The following SIGLEC14 variants were observed in gnomAD, a reference collection of about 807,000 sequenced individuals.
SIGLEC14 encodes the protein sialic acid-binding Ig-like lectin 14.
In SIGLEC14, 11 loss-of-function variants were observed where a neutral mutation model predicts 34.2. That is an observed-to-expected ratio of 0.32 (90% CI 0.20 to 0.53). SIGLEC14 has a LOEUF of 0.53. Ranked by LOEUF, SIGLEC14 falls within the 20% of genes least tolerant of loss-of-function variation. SIGLEC14 has a pLI of 0.95. For missense variants in SIGLEC14, 264 were observed against 439.0 expected, an observed-to-expected ratio of 0.60 and a Z score of 3.56; for synonymous variants, 99 against 179.7, an observed-to-expected ratio of 0.55 and a Z score of 3.59.
In SIGLEC14 at chr19:51,641,885, T is replaced by C. The variant is rs1277440507; in HGVS notation, c.*1470A>G. 2.2e-5 allele frequency among the ~76,000 whole-genome samples: 3 copies of C among 138,090 alleles called. No individual in the cohort carries two copies. The highest frequency in any genetic ancestry group is 8.3e-5 in the African/African-American group (3 of 36,128). The allele number at this position is 138,090 out of a possible 152,430, so 90.6% of individuals were successfully genotyped here. Reference sequence around the variant, plus strand: ...TGATGCAATAATCTGTACAACAAACTCCCATGACACTTTACCTATGTAACA... The same window carrying C: ...TGATGCAATAATCTGTACAACAAACCCCCATGACACTTTACCTATGTAACA... On this transcript the variant is annotated 3_prime_UTR_variant, in exon 7 of 7. Coordinates refer to ENST00000360844, the MANE Select transcript of SIGLEC14 (RefSeq NM_001098612.3).
Position 51,641,987 on chromosome 19 carries a change from TAAAA to T in SIGLEC14, c.*1364_*1367del, listed in dbSNP as rs398101261. Among the ~76,000 whole-genome samples the T allele has an allele frequency of 2.5e-3, 350 of 138,310 alleles. 62 individuals are homozygous for T. Among genetic ancestry groups the T allele is most frequent in the African/African-American group, 8.7e-3 (317 of 36,254 alleles). The allele number at this position is 138,310 out of a possible 152,430, so 90.7% of individuals were successfully genotyped here. The stretch of plus-strand genomic sequence containing the variant: ...CATGTGTATTTATTAAAATGGAACT[TAAAA>T]AGAAAGTAGTAACAATTTGTTTAAA... On this transcript the variant is annotated 3_prime_UTR_variant, in exon 7 of 7. Transcript: ENST00000360844.
rs1238804595 is a variant in SIGLEC14, at chr19:51,639,788, T to C, written c.*3567A>G. 1 of 139,118 alleles carries C rather than the reference T, an allele frequency of 7.2e-6. No homozygotes were observed. Among genetic ancestry groups the C allele is most frequent in the Non-Finnish European group, 1.5e-5 (1 of 65,052 alleles). The allele number at this position is 139,118 out of a possible 1,614,324, so 8.6% of individuals were successfully genotyped here. ...ATTTTGGGAAGACACACATTTCTATTATAGCATAAATAAAGTATATCAAGA... is the reference window on the plus strand; with the variant it reads ...ATTTTGGGAAGACACACATTTCTATCATAGCATAAATAAAGTATATCAAGA... On this transcript the variant is annotated 3_prime_UTR_variant, in exon 7 of 7. Coordinates refer to ENST00000360844, the MANE Select transcript of SIGLEC14 (RefSeq NM_001098612.3).
chr19:51,641,753 G>A lies in SIGLEC14; in HGVS notation c.*1602C>T, dbSNP rs1216794987. On this transcript the variant is annotated 3_prime_UTR_variant, in exon 7 of 7. Coordinates refer to ENST00000360844, the MANE Select transcript of SIGLEC14 (RefSeq NM_001098612.3). ...GGGAGCTAAATGATGAGAACACATG[G>A]ATACATAGAGGTGAGCAACACACAC... Among the ~76,000 whole-genome samples, 1 of 139,118 alleles carries A rather than the reference G, an allele frequency of 7.2e-6. No individual in the cohort carries two copies. The highest frequency in any genetic ancestry group is 2.7e-5 in the African/African-American group (1 of 36,644). The allele number at this position is 139,118 out of a possible 152,430, so 91.3% of individuals were successfully genotyped here. A position where few individuals can be genotyped will look rare whatever the true frequency, so the allele number is the denominator to read the frequency against.
In SIGLEC14 at chr19:51,643,304, T is replaced by C. The variant is rs779579864; in HGVS notation, c.*51A>G. The C allele has an allele frequency of 1.9e-5, 27 of 1,458,606 alleles. 3 individuals are homozygous for C. Among genetic ancestry groups the C allele is most frequent in the Non-Finnish European group, 2.5e-5 (27 of 1,080,442 alleles). 90.4% of individuals were successfully genotyped at this position (1,458,606 alleles called of 1,614,324 possible). On this transcript the variant is annotated 3_prime_UTR_variant, in exon 7 of 7. Transcript: ENST00000360844. ...AGCTGACAGTGATGTCCTGCATGTG[T>C]CCCACAGGGCTAAGTGTCCACACCT... is the stretch of plus-strand genomic sequence containing the variant.
At chr19:51,643,482 A>G in intron 6 of SIGLEC14, 55 bp downstream of exon 6, 1 of 1,264,606 alleles carries the variant, frequency 7.9e-7, no homozygotes. Flanking sequence ...GGGGCAGGAC[A>G]GCTCAGCCCC....
rs902573044 is a variant in SIGLEC14, at chr19:51,643,917, C to T, written c.874G>A (p.Ala292Thr). Residue 292 changes from alanine (A) to threonine (T), a missense_variant, in exon 5 of 7, where the codon GCC becomes ACC. Ala to Thr is a moderately conservative substitution (Grantham distance 58). This residue lies in a region of SIGLEC14 where 149 missense variants were observed against 184.4 expected (regional missense o/e 0.81). Coordinates refer to ENST00000360844, the MANE Select transcript of SIGLEC14 (RefSeq NM_001098612.3). ...ATTGAGGTCTGGGAAGGATTGAGGG[C>T]TTTTCCCTCCCGGAACCAGCTCAGT... ...ASLSWFREGK[A>T]LNPSQTSMSG... The T allele has an allele frequency of 1.7e-5, 26 of 1,534,178 alleles. 7 individuals carry two copies. Among genetic ancestry groups the T allele is most frequent in the South Asian group, 6.0e-5 (5 of 83,286 alleles).
At chr19:51,643,502 T>G in intron 6 of SIGLEC14, 35 bp downstream of exon 6, 1 of 1,386,060 alleles carries the variant, frequency 7.2e-7, no homozygotes, top group Non-Finnish European at 9.5e-7. Flanking sequence ...CACCTGGAAC[T>G]CAGGAGCTTC....
At position 51,643,973 on chromosome 19, in the gene SIGLEC14, G is replaced by C. The variant is rs1249066801; in HGVS notation, c.818C>G (p.Ala273Gly). 3 of 1,532,726 alleles carry C rather than the reference G, an allele frequency of 2.0e-6. No individual in the cohort carries two copies. The highest frequency in any genetic ancestry group is 2.6e-6 in the Non-Finnish European group (3 of 1,141,090). 94.9% of individuals were successfully genotyped at this position (1,532,726 alleles called of 1,614,324 possible). A position where few individuals can be genotyped will look rare whatever the true frequency, so the allele number is the denominator to read the frequency against. ...PIQEGQSLFL[A>G]CTVDSNPPAS... ...AGGGGGGTTGCTGTCAACTGTGCAG[G>C]CGAGGAACAGGGACTGGCCCTCCTG... Residue 273 changes from alanine to glycine, a missense_variant, in exon 5 of 7, where the codon GCC becomes GGC. Coordinates refer to ENST00000360844, the MANE Select transcript of SIGLEC14 (RefSeq NM_001098612.3).
rs1339704508 is a variant in SIGLEC14 at position 51,643,134 on chromosome 19, GA to G, written c.*220del. 2 of 484,274 alleles carry G rather than the reference GA, an allele frequency of 4.1e-6. No individual in the cohort carries two copies. Among genetic ancestry groups the G allele is most frequent in the Non-Finnish European group, 7.2e-6 (2 of 278,822 alleles). The allele number at this position is 484,274 out of a possible 1,614,324, so 30.0% of individuals were successfully genotyped here. On this transcript the variant is annotated 3_prime_UTR_variant, in exon 7 of 7. Coordinates refer to ENST00000360844, the MANE Select transcript of SIGLEC14 (RefSeq NM_001098612.3). ...GGAGATGGTGGATGGAGAGGGAAGA[GA>G]AGGGCAGGTGGAGAGGGGATGGGGT...
At chr19:51,643,496 TG>T in intron 6 of SIGLEC14, 40 bp downstream of exon 6, 1 of 1,324,008 alleles carries the variant, frequency 7.6e-7, no homozygotes, top group Non-Finnish European at 9.8e-7. Flanking sequence ...CAGCCCCACC[TG>T]GAACTCAGGA....
chr19:51,643,483 G>GGGGGCCCCCCCCCCC, intron 6 of SIGLEC14, 54 bp downstream of exon 6: 1 of 1,297,878 alleles, frequency 7.7e-7, no homozygotes, highest in Non-Finnish European at 1.0e-6. Context: ...GGGCAGGACA[G>GGGGGCCCCCCCCCCC]CTCAGCCCCA....
chr19:51,643,862 C>T lies in SIGLEC14; in HGVS notation c.929G>A (p.Gly310Glu). 6.5e-7 allele frequency: 1 copy of T among 1,533,318 alleles called. No individual in the cohort carries two copies. Among genetic ancestry groups the T allele is most frequent in the Non-Finnish European group, 8.8e-7 (1 of 1,141,128 alleles). The allele number at this position is 1,533,318 out of a possible 1,614,324, so 95.0% of individuals were successfully genotyped here. Residue 310 changes from glycine to glutamate, a missense_variant, in exon 5 of 7, where the codon GGA becomes GAA. Gly to Glu is a moderately conservative substitution (Grantham distance 98). Transcript: ENST00000360844. ...GGTGAATTCCCCTCCCTCTCTAGCT[C>T]CTATGTTAGGCAGCTCCAGGGTCCC... ...MSGTLELPNI[G>E]AREGGEFTCR...
Position 51,646,431 on chromosome 19 carries a change from T to C in SIGLEC14, c.247A>G (p.Lys83Glu). 1 of 934,546 alleles carries C rather than the reference T, an allele frequency of 1.1e-6. No individual in the cohort carries two copies. Among genetic ancestry groups the C allele is most frequent in the Non-Finnish European group, 1.5e-6 (1 of 673,244 alleles). The allele number at this position is 934,546 out of a possible 1,614,324, so 57.9% of individuals were successfully genotyped here. A position where few individuals can be genotyped will look rare whatever the true frequency, so the allele number is the denominator to read the frequency against. The change falls in exon 2 of 7, where the codon AAG (lysine) becomes GAG (glutamate). Residue 83 changes from lysine to glutamate, a missense_variant. Lys to Glu is a moderately conservative substitution (Grantham distance 56, BLOSUM62 1). Transcript: ENST00000360844. ...VATNNPDRRVKPETQGRFRLL... is the reference protein window; with the variant it reads ...VATNNPDRRVEPETQGRFRLL... Reference sequence around the variant, plus strand: ...CGGAATCGGCCCTGGGTCTCTGGCTTCACTCTTCTGTCTGGGTTGTTTGTG... The same window carrying C: ...CGGAATCGGCCCTGGGTCTCTGGCTCCACTCTTCTGTCTGGGTTGTTTGTG...
rs991854557 is a variant in SIGLEC14 at position 51,641,432 on chromosome 19, C to T, written c.*1923G>A. Among the ~76,000 whole-genome samples the T allele has an allele frequency of 5.0e-5, 7 of 139,216 alleles. 2 individuals carry two copies. Among genetic ancestry groups the T allele is most frequent in the African/African-American group, 1.1e-4 (4 of 36,626 alleles). The allele number at this position is 139,216 out of a possible 152,430, so 91.3% of individuals were successfully genotyped here. ...GAAATACCATTCGACTCAGCAATCC[C>T]ATTCCTAGGCATATACCCAAAGGAA... On this transcript the variant is annotated 3_prime_UTR_variant, in exon 7 of 7. Coordinates refer to ENST00000360844, the MANE Select transcript of SIGLEC14 (RefSeq NM_001098612.3).
At position 51,639,866 on chromosome 19, in the gene SIGLEC14, T is replaced by A. The variant is rs1983872206; in HGVS notation, c.*3489A>T. On this transcript the variant is annotated 3_prime_UTR_variant, in exon 7 of 7. Transcript: ENST00000360844. ...ATTGCACTCTCTTTGCTACATGCAC[T>A]TAGGGAAATTAAAAGAAAAACACCT... The A allele has an allele frequency of 7.2e-6, 1 of 139,160 alleles. No individual in the cohort carries two copies. The highest frequency in any genetic ancestry group is 2.4e-4 in the South Asian group (1 of 4,128). 8.6% of individuals were successfully genotyped at this position (139,160 alleles called of 1,614,324 possible). A position where few individuals can be genotyped will look rare whatever the true frequency, so the allele number is the denominator to read the frequency against.
rs1452152907 is a variant in SIGLEC14 at position 51,643,134 on chromosome 19, G to A, written c.*221C>T. 2.1e-6 allele frequency: 1 copy of A among 484,274 alleles called. No homozygotes were observed. The highest frequency in any genetic ancestry group is 2.4e-5 in the African/African-American group (1 of 41,346). 30.0% of individuals were successfully genotyped at this position (484,274 alleles called of 1,614,324 possible). On this transcript the variant is annotated 3_prime_UTR_variant, in exon 7 of 7. Coordinates refer to ENST00000360844, the MANE Select transcript of SIGLEC14 (RefSeq NM_001098612.3). ...GGAGATGGTGGATGGAGAGGGAAGAGAAGGGCAGGTGGAGAGGGGATGGGG... is the reference window on the plus strand; with the variant it reads ...GGAGATGGTGGATGGAGAGGGAAGAAAAGGGCAGGTGGAGAGGGGATGGGG...
At position 51,644,379 on chromosome 19, in the gene SIGLEC14, G is replaced by A. The variant is rs114401941; in HGVS notation, c.755-343C>T. Among the ~76,000 whole-genome samples, 686 of 137,992 alleles carry A rather than the reference G, an allele frequency of 5.0e-3. 119 individuals are homozygous for A. Among genetic ancestry groups the A allele is most frequent in the African/African-American group, 0.018 (644 of 36,206 alleles). The allele number at this position is 137,992 out of a possible 152,430, so 90.5% of individuals were successfully genotyped here. On this transcript the variant is annotated intron_variant, in intron 4 of 6. Coordinates refer to ENST00000360844, the MANE Select transcript of SIGLEC14 (RefSeq NM_001098612.3). ...AGAGCTCCCAAGACACGATAATGGAGGTAGAAGCAGGCTCAGATCTTTTGG... is the reference window on the plus strand; with the variant it reads ...AGAGCTCCCAAGACACGATAATGGAAGTAGAAGCAGGCTCAGATCTTTTGG...
Position 51,643,598 on chromosome 19 carries a change from C to T in SIGLEC14, c.1087G>A (p.Gly363Arg). The T allele has an allele frequency of 5.2e-6, 8 of 1,530,130 alleles. No homozygotes were observed. The highest frequency in any genetic ancestry group is 1.2e-5 in the South Asian group (1 of 83,140). 94.8% of individuals were successfully genotyped at this position (1,530,130 alleles called of 1,614,324 possible). A position where few individuals can be genotyped will look rare whatever the true frequency, so the allele number is the denominator to read the frequency against. The change falls in exon 6 of 7, where the codon GGG becomes AGG. Residue 363 changes from glycine (G) to arginine (R), a missense_variant. This residue lies in a region of SIGLEC14 where 149 missense variants were observed against 184.4 expected (regional missense o/e 0.81). Coordinates refer to ENST00000360844, the MANE Select transcript of SIGLEC14 (RefSeq NM_001098612.3). ...SWPLVLTLIR[G>R]ALMGAGFLLT... ...AGGAAGCCAGCCCCCATGAGAGCCC[C>T]CCTGATCAGGGTGAGGACGAGGGGC...
In SIGLEC14 at chr19:51,643,804, G is replaced by A. The variant is rs1197637715; in HGVS notation, c.987C>T (p.His329=). The change falls in exon 5 of 7, where the codon CAC becomes CAT. Residue 329 remains histidine (H), a synonymous_variant. Transcript: ENST00000360844. ...TCTGCACAGAAAGGATGAAGGACAGGTGCTGGGAGCCCAGCGGATGCTGAA... is the reference window on the plus strand; with the variant it reads ...TCTGCACAGAAAGGATGAAGGACAGATGCTGGGAGCCCAGCGGATGCTGAA... The part of the protein sequence containing the change: ...CRVQHPLGSQ[H]LSFILSVQRS... 16 of 1,524,392 alleles carry A rather than the reference G, an allele frequency of 1.0e-5. 2 individuals are homozygous for A. Among genetic ancestry groups the A allele is most frequent in the Non-Finnish European group, 1.4e-5 (16 of 1,135,666 alleles). The allele number at this position is 1,524,392 out of a possible 1,614,324, so 94.4% of individuals were successfully genotyped here.
Sources: gnomAD v4.1 joint callset for allele counts (sites outside exome capture counted in the v4.1 genomes callset) on GRCh38, gnomAD v4.1.1 for gene constraint, gnomAD v4.1.1 regional missense constraint, MANE v1.5 for transcripts, NCBI Gene and HGNC (gene_info 2026-07-23, HGNC 2026-07-21) for gene names.